The following SPIDR variants were observed in gnomAD, a reference collection of about 807,000 sequenced individuals.
SPIDR encodes scaffold protein involved in DNA repair.
Under a neutral mutation model 104.6 loss-of-function variants are expected in SPIDR, and 93 were observed. That is an observed-to-expected ratio of 0.89 (90% CI 0.75 to 1.06). The LOEUF (loss-of-function observed/expected upper bound fraction) is 1.06. Among genes scored for constraint, SPIDR ranks in the 50% least tolerant of loss-of-function variants. The pLI, the probability that SPIDR is intolerant of heterozygous loss-of-function variation, is 0.00. For synonymous variants in SPIDR, 431 were observed against 416.9 expected (o/e 1.03, Z -0.41); for missense variants, 1,154 against 1,111.2 (o/e 1.04, Z -0.55).
chr8:47,420,879 G>T (rs1554679787), intron 7 of SPIDR, among the ~76,000 whole-genome samples: 1 of 152,160 alleles, frequency 6.6e-6, no homozygotes, highest in African/African-American at 2.4e-5. Flanking sequence ...AGCTTAGTTT[G>T]GCTGGATATG....
rs569898808 is a variant in SPIDR, at chr8:47,518,881, C to A, written c.1098-76930C>A. Among the ~76,000 whole-genome samples the A allele has an allele frequency of 6.6e-5, 10 of 152,232 alleles. No individual in the cohort carries two copies. The East Asian group carries it at 1.5e-3, about 24-fold the overall frequency. ...CGGTCTACTGACCTTGTGATCCGCC[C>A]GCCTTGGCCTCCCAAAGTGCTGGGA... On this transcript the variant is annotated intron_variant, in intron 8 of 19. Transcript: ENST00000297423.
chr8:47,545,225 A>AT (rs1159810140), intron 8 of SPIDR, among the ~76,000 whole-genome samples: 1 of 149,088 alleles, frequency 6.7e-6, no homozygotes, highest in Non-Finnish European at 1.5e-5. Flanking sequence ...GGTTCAAGCG[A>AT]TTTCCAGCCA....
At chr8:47,434,305 T>C (rs1554690883) in intron 7 of SPIDR, among the ~76,000 whole-genome samples, 2 of 152,128 alleles carry the variant, frequency 1.3e-5, no homozygotes, top group Non-Finnish European at 2.9e-5. Context: ...TGTGTGTATG[T>C]GTGTGTGTCT....
chr8:47,692,561 G>A (rs574018005), intron 11 of SPIDR, among the ~76,000 whole-genome samples: 3 of 144,464 alleles, frequency 2.1e-5, no homozygotes, highest in East Asian at 4.1e-4. Context: ...GCAATGGTGC[G>A]ATCTTGGCTC....
At chr8:47,510,644 A>G (rs901064608) in intron 8 of SPIDR, among the ~76,000 whole-genome samples, 7 of 152,220 alleles carry the variant, frequency 4.6e-5, no homozygotes, top group African/African-American at 7.2e-5. Context: ...ACAGTTAACA[A>G]ATATACTTGT....
intron 8 of SPIDR, among the ~76,000 whole-genome samples, chr8:47,591,898 G>T (rs1293599496): frequency 1.3e-5 from 2 of 152,102 alleles, no homozygotes; most frequent in Non-Finnish European, 2.9e-5. Context: ...AACGGGGCGG[G>T]GGGGCACTGC....
At chr8:47,456,069 T>G (rs1554709608) in intron 8 of SPIDR, among the ~76,000 whole-genome samples, 2 of 152,220 alleles carry the variant, frequency 1.3e-5, no homozygotes, top group East Asian at 1.9e-4. Flanking sequence ...CATTACATTG[T>G]CTGGGTTAGA....
chr8:47,362,088 G>A (rs12216833), intron 5 of SPIDR, among the ~76,000 whole-genome samples: 15,068 of 152,190 alleles, frequency 0.099, 1,082 homozygotes, highest in African/African-American at 0.2. Flanking sequence ...TGGCAGGTGT[G>A]GAACTGGGTG....
At chr8:47,512,346 T>C (rs1024858808) in intron 8 of SPIDR, among the ~76,000 whole-genome samples, 2 of 152,174 alleles carry the variant, frequency 1.3e-5, no homozygotes, top group African/African-American at 4.8e-5. Flanking sequence ...CCTATGGTGA[T>C]TGGTCCACTG....
chr8:47,350,687 T>A (rs782449845), intron 5 of SPIDR, among the ~76,000 whole-genome samples: 3 of 152,168 alleles, frequency 2.0e-5, no homozygotes, highest in Non-Finnish European at 4.4e-5. Context: ...TAACATCTTT[T>A]CCTAGCTGTT....
intron 16 of SPIDR, among the ~76,000 whole-genome samples, chr8:47,717,638 G>A (rs147849803): frequency 3.9e-4 from 59 of 152,280 alleles, no homozygotes; most frequent in African/African-American, 1.3e-3. Flanking sequence ...ATGTGACTTA[G>A]TGCAGTGACC....
At chr8:47,387,995 C>A (rs2060153597) in intron 5 of SPIDR, among the ~76,000 whole-genome samples, 1 of 152,202 alleles carries the variant, frequency 6.6e-6, no homozygotes, top group South Asian at 2.1e-4. Context: ...ACTCTAAACT[C>A]TCAGTTGTCT....
At chr8:47,563,652 T>A (rs1006109212) in intron 8 of SPIDR, among the ~76,000 whole-genome samples, 2 of 152,204 alleles carry the variant, frequency 1.3e-5, no homozygotes, top group Non-Finnish European at 2.9e-5. Flanking sequence ...ACTTAGAATC[T>A]GCAAGGGTCC....
At chr8:47,412,445 G>T (rs1341484406) in intron 7 of SPIDR, among the ~76,000 whole-genome samples, 2 of 152,188 alleles carry the variant, frequency 1.3e-5, no homozygotes, top group Non-Finnish European at 2.9e-5. Context: ...CATTCTCTGT[G>T]TGGTAACTCT....
At chr8:47,601,772 GC>G (rs1294682052) in intron 10 of SPIDR, among the ~76,000 whole-genome samples, 2 of 152,214 alleles carry the variant, frequency 1.3e-5, no homozygotes, top group African/African-American at 4.8e-5. Flanking sequence ...GTCCAGGGCA[GC>G]AGAAGTGCAA....
At chr8:47,464,657 A>AGTCCTGTCCTGTCCT (rs1165191166) in intron 8 of SPIDR, among the ~76,000 whole-genome samples, 1 of 151,428 alleles carries the variant, frequency 6.6e-6, no homozygotes, top group Non-Finnish European at 1.5e-5. Context: ...TGTCTTGTCT[A>AGTCCTGTCCTGTCCT]GTCCTGTCCT....
intron 10 of SPIDR, among the ~76,000 whole-genome samples, chr8:47,627,875 T>C (rs1482689989): frequency 1.3e-5 from 2 of 152,212 alleles, no homozygotes. Context: ...TTTCATTAGT[T>C]CTTTTTATAG....
At chr8:47,626,136 G>A (rs2066057557) in intron 10 of SPIDR, among the ~76,000 whole-genome samples, 1 of 152,156 alleles carries the variant, frequency 6.6e-6, no homozygotes, top group African/African-American at 2.4e-5. Flanking sequence ...AAGCAATGGG[G>A]AAAGGATTCC....
intron 1 of SPIDR, 140 bp from the exon 2 acceptor site, chr8:47,279,722 A>T: frequency 1.3e-6 from 1 of 786,622 alleles, no homozygotes; most frequent in Non-Finnish European, 2.0e-6. Flanking sequence ...TTATGTGAAG[A>T]TTTAGAGACA....
Sources: allele counts gnomAD v4.1 joint callset (sites outside exome capture counted in the v4.1 genomes callset), GRCh38; gene constraint gnomAD v4.1.1; transcripts MANE v1.5; gene names NCBI Gene and HGNC (gene_info 2026-07-23, HGNC 2026-07-21).